The following THOC6 variants were observed in gnomAD, a reference collection of about 807,000 sequenced individuals.
THOC6 encodes THO complex 6.
In THOC6, 39 loss-of-function variants were observed where a neutral mutation model predicts 55.8. The observed-to-expected ratio is 0.70, with a 90% CI of 0.54 to 0.91. THOC6 has a LOEUF of 0.91. Among genes scored for constraint, THOC6 ranks in the 40% least tolerant of loss-of-function variants. The pLI, the probability that THOC6 is intolerant of heterozygous loss-of-function variation, is 0.00. For missense variants in THOC6, 482 were observed against 442.0 expected (o/e 1.09, Z -0.81); for synonymous variants, 192 against 175.6 (o/e 1.09, Z -0.74).
chr16:3,025,684 G>A, intron 1 of THOC6, 24 bp from the exon 2 acceptor site: 1 of 1,606,282 alleles, frequency 6.2e-7, no homozygotes, highest in African/African-American at 1.3e-5. Context: ...TCCCAGGCAG[G>A]CCTCATCCAG....
intron 1 of THOC6, among the ~76,000 whole-genome samples, chr16:3,024,656 A>G (rs1179796370): frequency 8.2e-6 from 1 of 121,962 alleles, no homozygotes; most frequent in Admixed American, 9.4e-5. Context: ...TTTTTTTGAG[A>G]CAGAGTCTCA....
intron 1 of THOC6, 46 bp downstream of exon 1, chr16:3,024,411 C>G: frequency 6.2e-7 from 1 of 1,612,252 alleles, no homozygotes. Context: ...TTGTAGTTCA[C>G]GCATGGCTGG....
Position 3,026,849 on chromosome 16 carries a change from A to G in THOC6, c.587-18A>G, listed in dbSNP as rs965411685. ...GGCTGAGGCAAGTGGGGCACCACTC[A>G]CAGTTCTTTCCCCGCAGACCTGCGC... On this transcript the variant is annotated intron_variant, in intron 8 of 12. Coordinates refer to ENST00000326266, the MANE Select transcript of THOC6 (RefSeq NM_024339.5). 2 of 1,614,156 alleles carry G rather than the reference A, an allele frequency of 1.2e-6. No individual in the cohort carries two copies. The highest frequency in any genetic ancestry group is 3.3e-5 in the Admixed American group (2 of 60,012).
intron 2 of THOC6, 47 bp from the exon 3 acceptor site, chr16:3,025,877 G>A (rs371401694): frequency 2.0e-5 from 33 of 1,613,998 alleles, no homozygotes; most frequent in Non-Finnish European, 2.0e-5. Context: ...CTCATGGGAC[G>A]GATGCCCCCG....
At position 3,025,512 on chromosome 16, in the gene THOC6, C is replaced by T. The variant is rs140851899; in HGVS notation, c.40-196C>T. ...TCCCTGAGGCATCACCTCAACTCTC[C>T]CCTTCTTCAGTGTCTTCTTGGAGCC... On this transcript the variant is annotated intron_variant, in intron 1 of 12. Transcript: ENST00000326266. Among the ~76,000 whole-genome samples the T allele has an allele frequency of 7.9e-5, 12 of 152,374 alleles. No individual in the cohort carries two copies. In the East Asian group the frequency reaches 2.1e-3, roughly 27 times the overall value.
chr16:3,024,343 C>T lies in THOC6; in HGVS notation c.17C>T (p.Pro6Leu), dbSNP rs770236483. 4 of 1,613,996 alleles carry T rather than the reference C, an allele frequency of 2.5e-6. No homozygotes were observed. Among genetic ancestry groups the T allele is most frequent in the Non-Finnish European group, 3.4e-6 (4 of 1,180,018 alleles). ...GTTCTGGAGATGGAGCGAGCTGTGCCGCTCGCGGTGCCTCTGGGTCAGGTG... is the reference window on the plus strand; with the variant it reads ...GTTCTGGAGATGGAGCGAGCTGTGCTGCTCGCGGTGCCTCTGGGTCAGGTG... MERAV[P>L]LAVPLGQTEV... is the part of the protein sequence containing the mutation. Residue 6 changes from proline to leucine, a missense_variant, in exon 1 of 13, where the codon CCG becomes CTG. Physicochemically the swap from Pro to Leu is moderately conservative, Grantham distance 98 (BLOSUM62 -3). Coordinates refer to ENST00000326266, the MANE Select transcript of THOC6 (RefSeq NM_024339.5).
rs766697950 is a variant in THOC6, at chr16:3,027,035, C to T, written c.661C>T (p.Arg221Cys). The T allele has an allele frequency of 8.7e-6, 14 of 1,614,072 alleles. No individual in the cohort carries two copies. Among genetic ancestry groups the T allele is most frequent in the East Asian group, 6.7e-5 (3 of 44,890 alleles). The change falls in exon 10 of 13, where the codon CGC (arginine) becomes TGC (cysteine). Residue 221 changes from arginine (R) to cysteine (C), a missense_variant. Arg to Cys is a radical substitution (Grantham distance 180). Coordinates refer to ENST00000326266, the MANE Select transcript of THOC6 (RefSeq NM_024339.5). ...GGAGTGCTCGAGGCCCCACAATGGG[C>T]GCTGGATTGGATGTTTGGCAACTGA... ...HEECSRPHNG[R>C]WIGCLATDSD...
intron 8 of THOC6, 43 bp downstream of exon 8, chr16:3,026,824 G>A (rs1333317114): frequency 3.1e-6 from 5 of 1,614,138 alleles, no homozygotes; most frequent in Non-Finnish European, 4.2e-6. Flanking sequence ...CAGTGAAGGA[G>A]GCTGAGGCAA....
intron 12 of THOC6, 32 bp from the exon 13 acceptor site, chr16:3,027,545 G>C (rs1292191053): frequency 6.2e-7 from 1 of 1,612,976 alleles, no homozygotes; most frequent in Non-Finnish European, 8.5e-7. Context: ...GCAGGGGTGT[G>C]GGCAGGCCAG....
chr16:3,026,355 C>T lies in THOC6; in HGVS notation c.363-10C>T, dbSNP rs1480007880. 3 of 1,614,090 alleles carry T rather than the reference C, an allele frequency of 1.9e-6. No homozygotes were observed. Among genetic ancestry groups the T allele is most frequent in the Non-Finnish European group, 1.7e-6 (2 of 1,180,030 alleles). On this transcript the variant is annotated splice_polypyrimidine_tract_variant and intron_variant, in intron 5 of 12. Transcript: ENST00000326266. ...CCACTTCCTCACTGACCTTGCCTTT[C>T]CTTCCCCAGGACCAGCCTGGAAGTG...
In THOC6 at chr16:3,027,400, A is replaced by T; in HGVS notation, c.845A>T (p.Gln282Leu). ...LSAGQGRCVN[Q>L]WQLSGELKAQ... ...GCTGGCCAGGGCCGCTGCGTCAACC[A>T]GTGGCAGCTGAGCGGGGAGCTGAAG... Residue 282 changes from glutamine to leucine, a missense_variant, in exon 12 of 13, where the codon CAG (glutamine) becomes CTG (leucine). By Grantham distance (113) the Gln-to-Leu change is moderately radical. Coordinates refer to ENST00000326266, the MANE Select transcript of THOC6 (RefSeq NM_024339.5). 1 of 1,612,750 alleles carries T rather than the reference A, an allele frequency of 6.2e-7. No individual in the cohort carries two copies. The highest frequency in any genetic ancestry group is 1.1e-5 in the South Asian group (1 of 91,036).
Position 3,026,384 on chromosome 16 carries a change from G to GAGATCAAC in THOC6, c.383_390dup (p.Ala131ArgfsTer143). The GAGATCAAC allele has an allele frequency of 6.2e-7, 1 of 1,614,066 alleles. No individual in the cohort carries two copies. The highest frequency in any genetic ancestry group is 8.5e-7 in the Non-Finnish European group (1 of 1,180,022). ...CCCCAGGACCAGCCTGGAAGTGCCT[G>GAGATCAAC]AGATCAACGCTTTGCTGCTGGTCCC... On this transcript the variant is annotated frameshift_variant, in exon 6 of 13. Transcript: ENST00000326266. LOFTEE classifies it high-confidence loss of function.
intron 3 of THOC6, 27 bp downstream of exon 3, chr16:3,026,015 C>G (rs370206667): frequency 2.5e-6 from 4 of 1,614,202 alleles, no homozygotes; most frequent in Non-Finnish European, 3.4e-6. Flanking sequence ...AGTCTGGCTT[C>G]AGGACTTTGG....
In THOC6 at chr16:3,027,606, G is replaced by T. The variant is rs751093907; in HGVS notation, c.975G>T (p.Arg325=). ...TGACAGCTGCAGGCAACAGCTGCCG[G>T]GTGGATGTCTTCACCAACCTGGGTT... ...KVLTAAGNSC[R]VDVFTNLGYR... Residue 325 remains arginine (R), a synonymous_variant, in exon 13 of 13, where the codon CGG becomes CGT. Coordinates refer to ENST00000326266, the MANE Select transcript of THOC6 (RefSeq NM_024339.5). 5.6e-6 allele frequency: 9 copies of T among 1,614,058 alleles called. No individual in the cohort carries two copies.
Position 3,026,356 on chromosome 16 carries a change from CT to C in THOC6, c.363-7del. 6.2e-7 allele frequency: 1 copy of C among 1,614,064 alleles called. No individual in the cohort carries two copies. The highest frequency in any genetic ancestry group is 1.1e-5 in the South Asian group (1 of 91,086). On this transcript the variant is annotated splice_polypyrimidine_tract_variant and splice_region_variant and intron_variant, in intron 5 of 12. Transcript: ENST00000326266. ...CACTTCCTCACTGACCTTGCCTTTCCTTCCCCAGGACCAGCCTGGAAGTGCC... is the reference window on the plus strand; with the variant it reads ...CACTTCCTCACTGACCTTGCCTTTCCTCCCCAGGACCAGCCTGGAAGTGCC...
At chr16:3,025,402 T>G (rs963743129) in intron 1 of THOC6, among the ~76,000 whole-genome samples, 1 of 152,156 alleles carries the variant, frequency 6.6e-6, no homozygotes, top group Non-Finnish European at 1.5e-5. Context: ...ATACACTAGC[T>G]CATCTAATTG....
chr16:3,024,197 C>T lies in THOC6; in HGVS notation c.-130C>T. 2 of 1,166,128 alleles carry T rather than the reference C, an allele frequency of 1.7e-6. No individual in the cohort carries two copies. The highest frequency in any genetic ancestry group is 2.5e-6 in the Non-Finnish European group (2 of 802,626). The allele number at this position is 1,166,128 out of a possible 1,614,324, so 72.2% of individuals were successfully genotyped here. A position where few individuals can be genotyped will look rare whatever the true frequency, so the allele number is the denominator to read the frequency against. ...GGCGCTCACCTCGGCTCCTAGGGTT[C>T]GGGACGGTACGCACCAGCCACCTTC... On this transcript the variant is annotated 5_prime_UTR_variant, in exon 1 of 13. Coordinates refer to ENST00000326266, the MANE Select transcript of THOC6 (RefSeq NM_024339.5).
chr16:3,025,049 TCTC>T (rs922443082), intron 1 of THOC6, among the ~76,000 whole-genome samples: 10 of 150,640 alleles, frequency 6.6e-5, no homozygotes, highest in Non-Finnish European at 1.5e-4. Flanking sequence ...TTCAAGCAAT[TCTC>T]CTGCCTCAGC....
chr16:3,027,656 GA>G lies in THOC6; in HGVS notation c.1026del (p.Ter342CysfsTer3). 2 of 1,613,566 alleles carry G rather than the reference GA, an allele frequency of 1.2e-6. No individual in the cohort carries two copies. The highest frequency in any genetic ancestry group is 1.7e-6 in the Non-Finnish European group (2 of 1,179,876). On this transcript the variant is annotated frameshift_variant and stop_lost, in exon 13 of 13. Transcript: ENST00000326266. LOFTEE classifies it high-confidence loss of function. ...LGYRAFSLSF[*>X] Reference sequence around the variant, plus strand: ...TACCGAGCCTTCTCCCTGTCCTTCTGATCTCTGACGACACCCCCAGCCAGCT... The same window carrying G: ...TACCGAGCCTTCTCCCTGTCCTTCTGTCTCTGACGACACCCCCAGCCAGCT...
Sources: gnomAD v4.1 joint callset for allele counts (sites outside exome capture counted in the v4.1 genomes callset) on GRCh38, gnomAD v4.1.1 for gene constraint, MANE v1.5 for transcripts, NCBI Gene and HGNC (gene_info 2026-07-23, HGNC 2026-07-21) for gene names.